The following IGF1 variants were observed in gnomAD, a reference collection of about 807,000 sequenced individuals.
IGF1 encodes insulin like growth factor 1.
In IGF1, 4 loss-of-function variants were observed where a neutral mutation model predicts 13.8. The observed-to-expected ratio is 0.29, with a 90% confidence interval of 0.14 to 0.66. The LOEUF is 0.66. IGF1 is among the 30% of genes least tolerant of loss of function. The probability of loss-of-function intolerance (pLI) is 0.78; values close to 1 mark genes in which losing one functional copy is unlikely to be tolerated. For missense variants in IGF1, 124 were observed against 188.5 expected (o/e 0.66, Z 2.00); for synonymous variants, 76 against 72.6 (o/e 1.05, Z -0.23).
At chr12:102,467,277 A>G (rs1168953755) in intron 2 of IGF1, among the ~76,000 whole-genome samples, 3 of 152,214 alleles carry the variant, frequency 2.0e-5, no homozygotes, top group African/African-American at 7.2e-5. Context: ...ACCAGAGATG[A>G]AAGAAGAAAA....
intron 2 of IGF1, among the ~76,000 whole-genome samples, chr12:102,421,344 A>G (rs1180670590): frequency 1.3e-5 from 2 of 152,138 alleles, no homozygotes; most frequent in Admixed American, 1.3e-4. Flanking sequence ...GAGCAATGTA[A>G]ACAATATTTT....
chr12:102,417,820 A>T, intron 3 of IGF1: 1 of 1,612,450 alleles, frequency 6.2e-7, no homozygotes, highest in Non-Finnish European at 8.5e-7. Flanking sequence ...CCTGTCCTTC[A>T]TTTTCCTTTT....
At chr12:102,449,821 C>T (rs1157852077) in intron 2 of IGF1, among the ~76,000 whole-genome samples, 1 of 151,938 alleles carries the variant, frequency 6.6e-6, no homozygotes. Flanking sequence ...TTGACACAAA[C>T]TCTTGCCCTC....
At chr12:102,457,952 G>T (rs910457825) in intron 2 of IGF1, among the ~76,000 whole-genome samples, 1 of 152,016 alleles carries the variant, frequency 6.6e-6, no homozygotes, top group Non-Finnish European at 1.5e-5. Flanking sequence ...CACAATTCTA[G>T]GTACACAGTT....
At chr12:102,477,991 CT>C (rs1881168023) in intron 1 of IGF1, among the ~76,000 whole-genome samples, 2 of 106,448 alleles carry the variant, frequency 1.9e-5, no homozygotes, top group African/African-American at 3.3e-5. Flanking sequence ...ATAGATTTCT[CT>C]TTTTCTTTTT....
intron 2 of IGF1, among the ~76,000 whole-genome samples, chr12:102,441,955 CTT>C (rs1268306262): frequency 4.3e-5 from 6 of 139,978 alleles, no homozygotes; most frequent in Admixed American, 7.4e-5. Context: ...TCTTCTTCTT[CTT>C]TTTTTTTTTT....
At chr12:102,465,253 G>A (rs1880216518) in intron 2 of IGF1, among the ~76,000 whole-genome samples, 1 of 152,148 alleles carries the variant, frequency 6.6e-6, no homozygotes, top group African/African-American at 2.4e-5. Context: ...CCATGATTTG[G>A]GATACAAGGC....
chr12:102,422,482 T>C (rs576173399), intron 2 of IGF1, among the ~76,000 whole-genome samples: 1 of 152,294 alleles, frequency 6.6e-6, no homozygotes, highest in African/African-American at 2.4e-5. Context: ...TACATCAAAA[T>C]ATTTAACAAA....
chr12:102,452,685 T>C (rs531978947), intron 2 of IGF1, among the ~76,000 whole-genome samples: 2 of 152,300 alleles, frequency 1.3e-5, no homozygotes, highest in South Asian at 2.1e-4. Flanking sequence ...AATGAAGACA[T>C]TGGAAGTGTA....
intron 3 of IGF1, among the ~76,000 whole-genome samples, chr12:102,405,448 G>C (rs1484933718): frequency 6.6e-6 from 1 of 151,960 alleles, no homozygotes; most frequent in Non-Finnish European, 1.5e-5. Context: ...TGGGGCCACA[G>C]AATAGCATCC....
chr12:102,466,457 G>A (rs1430309577), intron 2 of IGF1, among the ~76,000 whole-genome samples: 3 of 152,182 alleles, frequency 2.0e-5, no homozygotes, highest in Non-Finnish European at 4.4e-5. Context: ...TAGAGGCCAA[G>A]TATGTTACTA....
intron 3 of IGF1, among the ~76,000 whole-genome samples, chr12:102,404,413 C>T (rs187075548): frequency 6.6e-6 from 1 of 152,312 alleles, no homozygotes; most frequent in Non-Finnish European, 1.5e-5. Context: ...GGTTTTCTTA[C>T]ACATGTTTTC....
In IGF1 at chr12:102,439,701, G is replaced by T. The variant is rs1592781702; in HGVS notation, c.221-20011C>A. Among the ~76,000 whole-genome samples, 4 of 130,088 alleles carry T rather than the reference G, an allele frequency of 3.1e-5. No individual in the cohort carries two copies. The East Asian group carries it at 8.8e-4, about 29-fold the overall frequency. 85.3% of individuals were successfully genotyped at this position (130,088 alleles called of 152,430 possible). On this transcript the variant is annotated intron_variant, in intron 2 of 3. Coordinates refer to ENST00000337514, the MANE Select transcript of IGF1 (RefSeq NM_000618.5). ...AGGCTCATTTGGAGAACCTGGAAAA[G>T]ATCCAGCTAGGAGAAGGAAAAAAAA... is the stretch of plus-strand genomic sequence containing the variant.
intron 2 of IGF1, among the ~76,000 whole-genome samples, chr12:102,432,298 T>C (rs531363160): frequency 2.6e-5 from 4 of 152,228 alleles, no homozygotes; most frequent in Non-Finnish European, 5.9e-5. Flanking sequence ...ATTTTCCTAT[T>C]ACTAGGCATT....
intron 2 of IGF1, among the ~76,000 whole-genome samples, chr12:102,435,493 T>C (rs1877149557): frequency 6.6e-6 from 1 of 152,142 alleles, no homozygotes; most frequent in Non-Finnish European, 1.5e-5. Flanking sequence ...TTCCAGAGAG[T>C]GCCTGGCAGT....
chr12:102,476,490 T>A (rs1326217156), intron 1 of IGF1, among the ~76,000 whole-genome samples: 1 of 148,184 alleles, frequency 6.7e-6, no homozygotes, highest in African/African-American at 2.5e-5. Context: ...CAACCACAAA[T>A]AGAAGAAAAT....
chr12:102,444,019 G>C (rs1215719911), intron 2 of IGF1, among the ~76,000 whole-genome samples: 1 of 151,810 alleles, frequency 6.6e-6, no homozygotes, highest in African/African-American at 2.4e-5. Context: ...TAAAGATGGG[G>C]TTTCACCATG....
intron 2 of IGF1, among the ~76,000 whole-genome samples, chr12:102,474,008 G>A (rs915440173): frequency 2.6e-5 from 4 of 152,088 alleles, no homozygotes; most frequent in Non-Finnish European, 5.9e-5. Context: ...CAATTACCTA[G>A]TGAACTGGAT....
At chr12:102,463,744 C>A (rs1269150897) in intron 2 of IGF1, among the ~76,000 whole-genome samples, 4 of 152,192 alleles carry the variant, frequency 2.6e-5, no homozygotes, top group African/African-American at 9.6e-5. Context: ...ATGAGCACTA[C>A]CCTCATATGA....
Sources: allele counts gnomAD v4.1 joint callset (sites outside exome capture counted in the v4.1 genomes callset), GRCh38; gene constraint gnomAD v4.1.1; transcripts MANE v1.5; gene names NCBI Gene and HGNC (gene_info 2026-07-23, HGNC 2026-07-21).